The following NUP188 variants were observed in gnomAD, a reference collection of about 807,000 sequenced individuals.
NUP188 encodes nucleoporin 188.
A neutral mutation model predicts 223.0 loss-of-function variants in NUP188; 97 were observed. The observed-to-expected ratio is 0.43, with a 90% CI of 0.37 to 0.51. The LOEUF (loss-of-function observed/expected upper bound fraction) is 0.51. NUP188 is among the 20% of genes least tolerant of loss of function. The probability of loss-of-function intolerance (pLI) is 0.00; values close to 1 mark genes in which losing one functional copy is unlikely to be tolerated. For synonymous variants in NUP188, 869 were observed against 828.0 expected, an observed-to-expected ratio of 1.05 and a Z score of -0.85; for missense variants, 1,947 against 2,175.6, an observed-to-expected ratio of 0.89 and a Z score of 2.09.
intron 25 of NUP188, among the ~76,000 whole-genome samples, chr9:128,991,968 C>T (rs546005434): frequency 1.8e-4 from 25 of 135,990 alleles, no homozygotes; most frequent in African/African-American, 5.3e-4. Flanking sequence ...AGTGCAGTGG[C>T]GCGATCTCGG....
At chr9:128,990,369 C>T in intron 25 of NUP188, 143 bp downstream of exon 25, 2 of 707,078 alleles carry the variant, frequency 2.8e-6, no homozygotes, top group Non-Finnish European at 5.1e-6. Context: ...GTGGGAGGAT[C>T]ATTTGAGCCC....
intron 25 of NUP188, among the ~76,000 whole-genome samples, chr9:128,992,073 ATTT>A (rs1588286681): frequency 6.6e-6 from 1 of 150,824 alleles, no homozygotes; most frequent in Non-Finnish European, 1.5e-5. Flanking sequence ...CACCCGGCTA[ATTT>A]TTTGTATTTT....
chr9:129,000,565 G>A (rs754549616), intron 34 of NUP188, among the ~76,000 whole-genome samples: 19 of 150,318 alleles, frequency 1.3e-4, no homozygotes, highest in African/African-American at 4.2e-4. Context: ...TAATCCGCCC[G>A]CCTTGATCTC....
intron 25 of NUP188, 25 bp from the exon 26 acceptor site, chr9:128,993,172 G>A (rs776563953): frequency 6.3e-7 from 1 of 1,596,694 alleles, no homozygotes; most frequent in Non-Finnish European, 8.6e-7. Context: ...AGAGCTCTAA[G>A]CCTGTGTGTT....
At chr9:128,949,559 C>T (rs1208480845) in intron 2 of NUP188, among the ~76,000 whole-genome samples, 3 of 151,780 alleles carry the variant, frequency 2.0e-5, no homozygotes, top group African/African-American at 7.3e-5. Context: ...CTCCAACTCC[C>T]GACCTTAGGT....
In NUP188 at chr9:128,984,952, C is replaced by G. The variant is rs759565007; in HGVS notation, c.2014C>G (p.Gln672Glu). 1 of 1,613,878 alleles carries G rather than the reference C, an allele frequency of 6.2e-7. No homozygotes were observed. The change falls in exon 20 of 44, where the codon CAG (glutamine) becomes GAG (glutamate). Residue 672 changes from glutamine (Q) to glutamate (E), a missense_variant. Around this residue, in one of 3 missense-constraint regions of NUP188, gnomAD observed 817 missense variants for 865.8 expected, o/e 0.94. Transcript: ENST00000372577. Reference protein sequence around the residue: ...GYGNLLMNSEQPQGEYGVTIA... With the variant: ...GYGNLLMNSEEPQGEYGVTIA... ...CGGAAACCTCTTGATGAACAGTGAA[C>G]AGCCTCAGGGCGAGTATGGGGTTAC...
At position 128,986,580 on chromosome 9, in the gene NUP188, G is replaced by A. The variant is rs1207139211; in HGVS notation, c.2099G>A (p.Ser700Asn). The change falls in exon 21 of 44, where the codon AGC becomes AAC. Residue 700 changes from serine (S) to asparagine (N), a missense_variant. By Grantham distance (46) the Ser-to-Asn change is conservative. Transcript: ENST00000372577. ...TAGGGGCAACTTGGTAGTACCCAGA[G>A]CCAAGGACTTGTACCCTGTGTAATG... ...LVKGQLGSTQ[S>N]QGLVPCVMFV... is the part of the protein sequence containing the mutation. The A allele has an allele frequency of 1.2e-6, 2 of 1,614,032 alleles. No individual in the cohort carries two copies. Among genetic ancestry groups the A allele is most frequent in the Non-Finnish European group, 1.7e-6 (2 of 1,180,012 alleles).
rs778562727 is a variant in NUP188, at chr9:128,970,842, C to CT, written c.998dup (p.Asn334GlufsTer38). The CT allele has an allele frequency of 6.2e-7, 1 of 1,614,212 alleles. No individual in the cohort carries two copies. The highest frequency in any genetic ancestry group is 1.1e-5 in the South Asian group (1 of 91,078). ...GGCCTGGGCTCTCCTCCGTCACACTCTGAACCCAGAAGAGACAAGCAGTGT... is the reference window on the plus strand; with the variant it reads ...GGCCTGGGCTCTCCTCCGTCACACTCTTGAACCCAGAAGAGACAAGCAGTGT... On this transcript the variant is annotated frameshift_variant, in exon 11 of 44. Coordinates refer to ENST00000372577, the MANE Select transcript of NUP188 (RefSeq NM_015354.3). LOFTEE classifies it high-confidence loss of function.
At chr9:128,963,126 A>G (rs1051357178) in intron 8 of NUP188, among the ~76,000 whole-genome samples, 1 of 152,142 alleles carries the variant, frequency 6.6e-6, no homozygotes, top group Non-Finnish European at 1.5e-5. Flanking sequence ...TTGTTTATCC[A>G]TTTCTCAGTT....
At chr9:128,983,191 T>C (rs1335377946) in intron 17 of NUP188, 102 bp from the exon 18 acceptor site, 2 of 1,389,656 alleles carry the variant, frequency 1.4e-6, no homozygotes, top group African/African-American at 2.8e-5. Flanking sequence ...TTTATATGTC[T>C]GCTGAGGGGA....
intron 38 of NUP188, chr9:129,004,018 C>T (rs1307052886): frequency 5.2e-6 from 1 of 193,974 alleles, no homozygotes; most frequent in East Asian, 1.8e-4. Context: ...AGGCTCACGC[C>T]TGTAATCCCA....
At chr9:128,962,548 A>G (rs1841970627) in intron 8 of NUP188, among the ~76,000 whole-genome samples, 1 of 151,986 alleles carries the variant, frequency 6.6e-6, no homozygotes, top group Non-Finnish European at 1.5e-5. Context: ...TGTGCCCGGC[A>G]CACCATATTC....
intron 30 of NUP188, among the ~76,000 whole-genome samples, chr9:128,997,622 T>G (rs1588290375): frequency 6.6e-6 from 1 of 152,222 alleles, no homozygotes; most frequent in East Asian, 1.9e-4. Flanking sequence ...CCCAAGTAAC[T>G]AGGACTACAG....
chr9:128,954,342 G>A (rs1454302192), intron 3 of NUP188, among the ~76,000 whole-genome samples: 1 of 144,958 alleles, frequency 6.9e-6, no homozygotes, highest in East Asian at 2.1e-4. Context: ...AGCCTCCCGA[G>A]TAGCTGGGAC....
intron 34 of NUP188, among the ~76,000 whole-genome samples, chr9:129,001,202 T>C (rs1351580147): frequency 6.7e-6 from 1 of 149,120 alleles, no homozygotes; most frequent in Non-Finnish European, 1.5e-5. Context: ...TCAGACTCCA[T>C]GTGGCAGAGT....
intron 20 of NUP188, among the ~76,000 whole-genome samples, chr9:128,985,808 A>G (rs1193090944): frequency 2.0e-5 from 3 of 152,120 alleles, no homozygotes; most frequent in Non-Finnish European, 2.9e-5. Context: ...GCCGAGGCGG[A>G]TGGATCACCT....
intron 2 of NUP188, among the ~76,000 whole-genome samples, chr9:128,949,895 C>G (rs1174974663): frequency 6.7e-6 from 1 of 149,110 alleles, no homozygotes; most frequent in African/African-American, 2.5e-5. Context: ...TCTCAAAGTC[C>G]TGGGATAACA....
chr9:128,967,501 A>T (rs766872304), intron 8 of NUP188, among the ~76,000 whole-genome samples: 1 of 152,112 alleles, frequency 6.6e-6, no homozygotes, highest in South Asian at 2.1e-4. Flanking sequence ...CAAAAAATTT[A>T]AAAAATTGGC....
In NUP188 at chr9:128,968,605, C is replaced by T. The variant is rs1842064307; in HGVS notation, c.685C>T (p.Pro229Ser). 6 of 1,613,870 alleles carry T rather than the reference C, an allele frequency of 3.7e-6. No individual in the cohort carries two copies. The highest frequency in any genetic ancestry group is 5.1e-6 in the Non-Finnish European group (6 of 1,179,812). ...FLYYAYFEMA[P>S]SDLLVLTKMF... is the part of the protein sequence containing the mutation. Reference sequence around the variant, plus strand: ...TTATTATGCATACTTTGAGATGGCACCCAGTGACTTACTTGTATTAACCAA... The same window carrying T: ...TTATTATGCATACTTTGAGATGGCATCCAGTGACTTACTTGTATTAACCAA... Residue 229 changes from proline (P) to serine (S), a missense_variant, in exon 9 of 44, where the codon CCC becomes TCC. This residue lies in a region of NUP188 where 817 missense variants were observed against 865.8 expected (regional missense o/e 0.94). Coordinates refer to ENST00000372577, the MANE Select transcript of NUP188 (RefSeq NM_015354.3).
Sources: allele counts gnomAD v4.1 joint callset (sites outside exome capture counted in the v4.1 genomes callset), GRCh38; gene constraint gnomAD v4.1.1; regional missense constraint gnomAD v4.1.1; transcripts MANE v1.5; gene names NCBI Gene and HGNC (gene_info 2026-07-23, HGNC 2026-07-21).